The following SYN3 variants were observed in gnomAD, a reference collection of about 807,000 sequenced individuals.
SYN3 encodes the protein synapsin III.
A neutral mutation model predicts 65.8 loss-of-function variants in SYN3; 35 were observed. That is an observed-to-expected ratio of 0.53 (90% confidence interval 0.41 to 0.70). SYN3 has a LOEUF of 0.70. Ranked by LOEUF, SYN3 falls within the 30% of genes least tolerant of loss-of-function variation. The pLI, the probability that SYN3 is intolerant of heterozygous loss-of-function variation, is 0.00. For synonymous variants in SYN3, 270 were observed against 292.9 expected (o/e 0.92, Z 0.80); for missense variants, 680 against 749.0 (o/e 0.91, Z 1.08).
intron 4 of SYN3, among the ~76,000 whole-genome samples, chr22:32,923,070 A>T (rs951929227): frequency 6.6e-6 from 1 of 152,188 alleles, no homozygotes; most frequent in Non-Finnish European, 1.5e-5. Context: ...GAGCTGGAGA[A>T]CCAGGAAAGC....
At chr22:33,051,691 G>T (rs2054169819) in intron 1 of SYN3, among the ~76,000 whole-genome samples, 1 of 152,068 alleles carries the variant, frequency 6.6e-6, no homozygotes, top group Non-Finnish European at 1.5e-5. Flanking sequence ...ACAACCAAGG[G>T]TCAGGGACCC....
At chr22:32,851,977 G>A (rs1163894936) in intron 6 of SYN3, among the ~76,000 whole-genome samples, 2 of 152,150 alleles carry the variant, frequency 1.3e-5, no homozygotes, top group Non-Finnish European at 2.9e-5. Context: ...TCTGTGCTTA[G>A]TACTGTACTA....
intron 6 of SYN3, among the ~76,000 whole-genome samples, chr22:32,805,750 G>A (rs1023525752): frequency 1.3e-5 from 2 of 151,532 alleles, no homozygotes; most frequent in Non-Finnish European, 2.9e-5. Context: ...AAGCTAAAAC[G>A]TATTATCAGT....
Position 32,513,214 on chromosome 22 carries a change from C to CTT in SYN3, c.*476_*477dup, listed in dbSNP as rs2057713737. 1 of 153,342 alleles carries CTT rather than the reference C, an allele frequency of 6.5e-6. No homozygotes were observed. Among genetic ancestry groups the CTT allele is most frequent in the African/African-American group, 2.4e-5 (1 of 41,460 alleles). 9.5% of individuals were successfully genotyped at this position (153,342 alleles called of 1,614,324 possible). ...GAGTTCCCCTGGCTGGGATTTTTCT[C>CTT]TTTTTGTTTGTTTGCAAAACACTGT... On this transcript the variant is annotated 3_prime_UTR_variant, in exon 14 of 14. Transcript: ENST00000358763.
intron 7 of SYN3, among the ~76,000 whole-genome samples, chr22:32,555,482 A>G (rs2058481426): frequency 6.6e-6 from 1 of 152,222 alleles, no homozygotes; most frequent in East Asian, 1.9e-4. Flanking sequence ...AAGCCTCCAT[A>G]GAAGTCCCAG....
In SYN3 at chr22:32,765,587, G is replaced by A. The variant is rs60903857; in HGVS notation, c.711+99328C>T. 6.9e-3 allele frequency among the ~76,000 whole-genome samples: 1,049 copies of A among 152,240 alleles called. 15 individuals are homozygous for A. Among genetic ancestry groups the A allele is most frequent in the African/African-American group, 0.024 (1,016 of 41,534 alleles). On this transcript the variant is annotated intron_variant, in intron 6 of 13. Transcript: ENST00000358763. The stretch of plus-strand genomic sequence containing the variant: ...GAGAGGGTGACAGTGGAGGAGGGTC[G>A]CATAGCAAGGAGGGTTCGCCACAAA...
chr22:32,922,818 A>G (rs1160307709), intron 4 of SYN3, among the ~76,000 whole-genome samples: 4 of 152,232 alleles, frequency 2.6e-5, no homozygotes, highest in African/African-American at 9.6e-5. Context: ...CACACACCAC[A>G]CAGACTGCAA....
intron 1 of SYN3, among the ~76,000 whole-genome samples, chr22:33,043,304 T>C (rs1215019042): frequency 6.6e-6 from 1 of 152,194 alleles, no homozygotes; most frequent in Non-Finnish European, 1.5e-5. Flanking sequence ...TCCCAGCAGT[T>C]TGGGAGGCCG....
chr22:32,596,681 A>T lies in SYN3; in HGVS notation c.767T>A (p.Met256Lys). ...AAGGGCTGTTTCTCATACCTTTCCC[A>T]TTCCAGCGTGGGCATGTCCCAGCTT... ...VVKLGHAHAGMGKIKVENQLD... is the reference protein window; with the variant it reads ...VVKLGHAHAGKGKIKVENQLD... The change falls in exon 7 of 14, where the codon ATG becomes AAG. Residue 256 changes from methionine (M) to lysine (K), a missense_variant. Transcript: ENST00000358763. 2 of 1,614,028 alleles carry T rather than the reference A, an allele frequency of 1.2e-6. No individual in the cohort carries two copies. Among genetic ancestry groups the T allele is most frequent in the Non-Finnish European group, 1.7e-6 (2 of 1,179,974 alleles).
At chr22:32,977,521 G>A (rs2052237607) in intron 3 of SYN3, among the ~76,000 whole-genome samples, 1 of 151,884 alleles carries the variant, frequency 6.6e-6, no homozygotes, top group South Asian at 2.1e-4. Context: ...CGAGGCGGGT[G>A]GATCACGAGG....
chr22:33,041,463 A>AT (rs373366907), intron 1 of SYN3, among the ~76,000 whole-genome samples: 6 of 148,838 alleles, frequency 4.0e-5, no homozygotes, highest in African/African-American at 1.2e-4. Context: ...CCCAGCTAAT[A>AT]TTTTTTTGGA....
chr22:32,622,600 A>G (rs2059610593), intron 6 of SYN3, among the ~76,000 whole-genome samples: 1 of 151,900 alleles, frequency 6.6e-6, no homozygotes, highest in African/African-American at 2.4e-5. Context: ...TCACAGCCAC[A>G]CTTCGGTTAA....
intron 7 of SYN3, among the ~76,000 whole-genome samples, chr22:32,590,304 G>C (rs538267399): frequency 5.8e-4 from 89 of 152,220 alleles, no homozygotes; most frequent in Admixed American, 1.4e-3. Flanking sequence ...ATAGAAATAG[G>C]CAATCTTTTG....
At chr22:32,568,605 G>C (rs1249243438) in intron 7 of SYN3, among the ~76,000 whole-genome samples, 1 of 152,150 alleles carries the variant, frequency 6.6e-6, no homozygotes, top group Non-Finnish European at 1.5e-5. Flanking sequence ...CAGGATGGAA[G>C]GGACAAACAA....
At chr22:32,650,279 C>CTTTTTTTTTTTTTTT (rs1371405589) in intron 6 of SYN3, among the ~76,000 whole-genome samples, 1,491 of 111,856 alleles carry the variant, frequency 0.013, 67 homozygotes, top group Middle Eastern at 0.066. Context: ...CTCTCTCTTT[C>CTTTTTTTTTTTTTTT]TTTTTGAGAC....
Position 32,541,720 on chromosome 22 carries a change from G to A in SYN3, c.775-7C>T, listed in dbSNP as rs1231057890. 4 of 1,612,636 alleles carry A rather than the reference G, an allele frequency of 2.5e-6. No individual in the cohort carries two copies. The highest frequency in any genetic ancestry group is 2.2e-5 in the East Asian group (1 of 44,832). On this transcript the variant is annotated splice_polypyrimidine_tract_variant and splice_region_variant and intron_variant, in intron 7 of 13. Transcript: ENST00000358763. ...GCTGGTTTTCCACTTTGATCTGTGT[G>A]GGAGGATGAGGGGGATGAGTGCCAC...
Position 32,773,334 on chromosome 22 carries a change from G to C in SYN3, c.711+91581C>G, listed in dbSNP as rs568099511. Among the ~76,000 whole-genome samples the C allele has an allele frequency of 2.7e-5, 4 of 149,960 alleles. No homozygotes were observed. In the East Asian group the frequency reaches 5.9e-4, roughly 22 times the overall value. On this transcript the variant is annotated intron_variant, in intron 6 of 13. Coordinates refer to ENST00000358763, the MANE Select transcript of SYN3 (RefSeq NM_003490.4). The stretch of plus-strand genomic sequence containing the variant: ...AGGCAGGAGAATTGCTTGAACCCTG[G>C]AGGCGGAGGTTGCAGTGAGCCGAGA...
At position 32,801,732 on chromosome 22, in the gene SYN3, G is replaced by T. The variant is rs532843825; in HGVS notation, c.711+63183C>A. ...AGCGGGCAGCAGGCAGGCGGCGGGC[G>T]CTCAGACGGCTTCTCCTCCTCCTCT... On this transcript the variant is annotated intron_variant, in intron 6 of 13. Transcript: ENST00000358763. This position sits in a 1 kb window ranked among gnomAD's most constrained non-coding sequence, Gnocchi z 4.7. The T allele has an allele frequency of 2.0e-3, 433 of 215,944 alleles. 1 individual carries two copies. The highest frequency in any genetic ancestry group is 3.3e-3 in the Non-Finnish European group (370 of 113,044). The allele number at this position is 215,944 out of a possible 1,614,324, so 13.4% of individuals were successfully genotyped here.
At chr22:32,656,887 G>A (rs964637669) in intron 6 of SYN3, among the ~76,000 whole-genome samples, 51 of 152,078 alleles carry the variant, frequency 3.4e-4, no homozygotes, top group Non-Finnish European at 6.0e-4. Context: ...CAGGGAGAGA[G>A]GGGAAGAGAA....
Sources: allele counts gnomAD v4.1 joint callset (sites outside exome capture counted in the v4.1 genomes callset), GRCh38; gene constraint gnomAD v4.1.1; non-coding constraint Gnocchi (gnomAD v3.1); transcripts MANE v1.5; gene names NCBI Gene and HGNC (gene_info 2026-07-23, HGNC 2026-07-21).